SLC12A5: variants seen among roughly 807,000 people sequenced by gnomAD.
SLC12A5 encodes solute carrier family 12 member 5.
SLC12A5 carries 18 observed loss-of-function variants against 124.0 expected under a neutral mutation model. The ratio of observed to expected loss-of-function variants is 0.15; its 90% confidence interval spans 0.10 to 0.22. SLC12A5 has a LOEUF of 0.22. Among genes scored for constraint, SLC12A5 ranks in the 10% least tolerant of loss-of-function variants. The pLI, the probability that SLC12A5 is intolerant of heterozygous loss-of-function variation, is 1.00. For synonymous variants in SLC12A5, 589 were observed against 568.0 expected (o/e 1.04, Z -0.53); for missense variants, 867 against 1,478.7 (o/e 0.59, Z 6.78).
chr20:46,045,946 G>A lies in SLC12A5; in HGVS notation c.1638G>A (p.Glu546=). ...WALLLTACIC[E]IGILIASLDE... is the part of the protein sequence containing the mutation. Reference sequence around the variant, plus strand: ...TGCTCCTGACTGCCTGCATCTGCGAGATTGGCATCCTCATTGCATCCCTCG... The same window carrying A: ...TGCTCCTGACTGCCTGCATCTGCGAAATTGGCATCCTCATTGCATCCCTCG... Residue 546 remains glutamate, a synonymous_variant, in exon 13 of 26, where the codon GAG becomes GAA. Transcript: ENST00000243964. The surrounding 1 kb of genome is among the most constrained non-coding windows in gnomAD (Gnocchi z 4.9). The A allele has an allele frequency of 1.2e-6, 2 of 1,614,188 alleles. No homozygotes were observed. Among genetic ancestry groups the A allele is most frequent in the Non-Finnish European group, 1.7e-6 (2 of 1,180,028 alleles).
chr20:46,057,731 C>T lies in SLC12A5; in HGVS notation c.*126C>T, dbSNP rs2084710540. 1.4e-6 allele frequency: 1 copy of T among 728,896 alleles called. No homozygotes were observed. Among genetic ancestry groups the T allele is most frequent in the Non-Finnish European group, 2.2e-6 (1 of 461,448 alleles). 45.2% of individuals were successfully genotyped at this position (728,896 alleles called of 1,614,324 possible). ...GCCCGTGTCCTGGCCCCTTACCCCG[C>T]TGCCTGAAGCCCGGAGGCCACGCCT... On this transcript the variant is annotated 3_prime_UTR_variant, in exon 26 of 26. Coordinates refer to ENST00000243964, the MANE Select transcript of SLC12A5 (RefSeq NM_020708.5). This position sits in a 1 kb window ranked among gnomAD's most constrained non-coding sequence, Gnocchi z 7.1.
chr20:46,028,326 G>T (rs537319913), upstream of SLC12A5, among the ~76,000 whole-genome samples: 1 of 152,226 alleles, frequency 6.6e-6, no homozygotes, highest in Admixed American at 6.5e-5. Context: ...GTCCTCCCTA[G>T]AGGCTGCACC....
rs115022213 is a variant in SLC12A5 at position 46,057,140 on chromosome 20, C to T, written c.3126-30C>T. 6 of 1,612,466 alleles carry T rather than the reference C, an allele frequency of 3.7e-6. No individual in the cohort carries two copies. The highest frequency in any genetic ancestry group is 1.7e-5 in the Admixed American group (1 of 60,006). On this transcript the variant is annotated intron_variant, in intron 24 of 25. Coordinates refer to ENST00000243964, the MANE Select transcript of SLC12A5 (RefSeq NM_020708.5). This position sits in a 1 kb window ranked among gnomAD's most constrained non-coding sequence, Gnocchi z 7.1. ...CAATCTTCTCTACCCCCCCGGCTCA[C>T]GCGGTCTCCACTCCTCCTTCCTGCC... is the stretch of plus-strand genomic sequence containing the variant.
intron 6 of SLC12A5, among the ~76,000 whole-genome samples, chr20:46,039,742 T>A (rs1250379825): frequency 1.3e-5 from 2 of 151,654 alleles, no homozygotes; most frequent in Admixed American, 6.6e-5. Flanking sequence ...GCCACTGCAC[T>A]CCAGCCTGGG....
rs2084721488 is a variant in SLC12A5 at position 46,058,754 on chromosome 20, ATTCTGGTTTAGGGGCCGG to A, written c.*1150_*1167del. ...GGACAAGTGAGGGAGGAGGGGGCCG[ATTCTGGTTTAGGGGCCGG>A]ACCCACTGAGAGGCCCCAGAGCCGC... On this transcript the variant is annotated 3_prime_UTR_variant, in exon 26 of 26. Coordinates refer to ENST00000243964, the MANE Select transcript of SLC12A5 (RefSeq NM_020708.5). The surrounding 1 kb of genome is among the most constrained non-coding windows in gnomAD (Gnocchi z 5.8). 2 of 398,574 alleles carry A rather than the reference ATTCTGGTTTAGGGGCCGG, an allele frequency of 5.0e-6. No individual in the cohort carries two copies. The highest frequency in any genetic ancestry group is 8.8e-5 in the Admixed American group (2 of 22,732). The allele number at this position is 398,574 out of a possible 1,614,324, so 24.7% of individuals were successfully genotyped here. A position where few individuals can be genotyped will look rare whatever the true frequency, so the allele number is the denominator to read the frequency against.
At position 46,035,796 on chromosome 20, in the gene SLC12A5, T is replaced by A; in HGVS notation, c.299T>A (p.Phe100Tyr). 1 of 1,613,786 alleles carries A rather than the reference T, an allele frequency of 6.2e-7. No homozygotes were observed. The highest frequency in any genetic ancestry group is 8.5e-7 in the Non-Finnish European group (1 of 1,179,780). ...TGGCAGGCCCCACGCATGGGCACCT[T>A]CATGGGCGTGTACCTGCCGTGCCTG... ...KPVQAPRMGTFMGVYLPCLQN... is the reference protein window; with the variant it reads ...KPVQAPRMGTYMGVYLPCLQN... The change falls in exon 4 of 26, where the codon TTC (phenylalanine) becomes TAC (tyrosine). Residue 100 changes from phenylalanine to tyrosine, a missense_variant. This residue lies in a region of SLC12A5 where 126 missense variants were observed against 291.6 expected (regional missense o/e 0.43). Coordinates refer to ENST00000243964, the MANE Select transcript of SLC12A5 (RefSeq NM_020708.5).
At chr20:46,028,042 C>G (rs764420592), upstream of SLC12A5, among the ~76,000 whole-genome samples, 20 of 152,140 alleles carry the variant, frequency 1.3e-4, no homozygotes, top group Non-Finnish European at 2.4e-4. Context: ...AGCTTTCAAA[C>G]CTCTGATGCC....
chr20:46,037,485 A>G, intron 6 of SLC12A5, 100 bp downstream of exon 6: 2 of 1,345,920 alleles, frequency 1.5e-6, no homozygotes, highest in South Asian at 3.7e-5. Context: ...CAGTGAGGCC[A>G]AAAATGTGGT....
At chr20:46,041,259 G>C in intron 7 of SLC12A5, 70 bp from the exon 8 acceptor site, 1 of 1,369,124 alleles carries the variant, frequency 7.3e-7, no homozygotes, top group South Asian at 1.2e-5. Context: ...AAGGTCTCCC[G>C]GTGGCTGTAT....
chr20:46,023,016 G>A (rs932904852), exon 2 of SLC12A5: 7 of 404,310 alleles, frequency 1.7e-5, no homozygotes, highest in African/African-American at 8.2e-5. Flanking sequence ...AGGAGGAGGA[G>A]GAGAAGGAGG....
At position 46,049,925 on chromosome 20, in the gene SLC12A5, G is replaced by GGAAGAGCC. The variant is rs1428057448; in HGVS notation, c.2181+136_2181+143dup. On this transcript the variant is annotated intron_variant, in intron 17 of 25. Transcript: ENST00000243964. ...AGGCATTTCTTTTCTTTTCCTTAGA[G>GGAAGAGCC]GAAGAGCCTAAGAGCCTAGACAGTG... is the stretch of plus-strand genomic sequence containing the variant. 7.7e-6 allele frequency: 9 copies of GGAAGAGCC among 1,173,630 alleles called. No individual in the cohort carries two copies. The East Asian group carries it at 2.3e-4, about 30-fold the overall frequency. 72.7% of individuals were successfully genotyped at this position (1,173,630 alleles called of 1,614,324 possible).
chr20:46,043,421 T>C, intron 9 of SLC12A5, 98 bp downstream of exon 9: 2 of 1,445,422 alleles, frequency 1.4e-6, no homozygotes, highest in Non-Finnish European at 1.9e-6. Flanking sequence ...AAAAACCCCA[T>C]CATGAAAGCA....
At position 46,056,445 on chromosome 20, in the gene SLC12A5, G is replaced by A; in HGVS notation, c.2991G>A (p.Gly997=). The A allele has an allele frequency of 6.2e-7, 1 of 1,614,134 alleles. No individual in the cohort carries two copies. Residue 997 remains glycine, a synonymous_variant, in exon 23 of 26, where the codon GGG becomes GGA. Coordinates refer to ENST00000243964, the MANE Select transcript of SLC12A5 (RefSeq NM_020708.5). The surrounding 1 kb of genome is among the most constrained non-coding windows in gnomAD (Gnocchi z 4.3). ...PSPGEEPEGE[G]ETDPEKVHLT... ...CAGGGGAGGAGCCTGAGGGGGAAGG[G>A]GAGACAGATCCGGAGAAGGTGCATC...
chr20:46,055,917 G>A (rs1292725162), intron 21 of SLC12A5: 7 of 550,368 alleles, frequency 1.3e-5, no homozygotes, highest in Non-Finnish European at 1.9e-5. Context: ...GAGCCTTGCT[G>A]TGCCAAGGTT....
intron 18 of SLC12A5, 21 bp downstream of exon 18, chr20:46,051,891 G>T (rs767729030): frequency 3.3e-5 from 48 of 1,457,528 alleles, no homozygotes; most frequent in Non-Finnish European, 4.3e-5. Flanking sequence ...TGGGGGCTGG[G>T]GACAGAAGAG....
At chr20:46,041,814 CAAAAT>C (rs1421323865) in intron 8 of SLC12A5, among the ~76,000 whole-genome samples, 1 of 152,064 alleles carries the variant, frequency 6.6e-6, no homozygotes, top group East Asian at 1.9e-4. Flanking sequence ...GCTAGGAACA[CAAAAT>C]AAATAAGCCA....
chr20:46,054,255 C>G (rs1043979341), intron 20 of SLC12A5, among the ~76,000 whole-genome samples: 1 of 152,162 alleles, frequency 6.6e-6, no homozygotes, highest in Non-Finnish European at 1.5e-5. Flanking sequence ...CATATCTAAA[C>G]ATAGAAAAAA....
At chr20:46,046,111 C>T in intron 13 of SLC12A5, 115 bp downstream of exon 13, 1 of 962,438 alleles carries the variant, frequency 1.0e-6, no homozygotes, top group Non-Finnish European at 1.6e-6. Flanking sequence ...AGGAAGTTCC[C>T]CATTGGTCAT....
At chr20:46,043,106 G>C in intron 8 of SLC12A5, 47 bp from the exon 9 acceptor site, 1 of 1,592,078 alleles carries the variant, frequency 6.3e-7, no homozygotes, top group Non-Finnish European at 8.6e-7. Context: ...CCAGAGCTCT[G>C]GTCCCCTTAT....
Sources: gnomAD v4.1 joint callset for allele counts (sites outside exome capture counted in the v4.1 genomes callset) on GRCh38, gnomAD v4.1.1 for gene constraint, gnomAD v4.1.1 regional missense constraint, Gnocchi (gnomAD v3.1) non-coding constraint, MANE v1.5 for transcripts, NCBI Gene and HGNC (gene_info 2026-07-23, HGNC 2026-07-21) for gene names.